SLC71A2: variants seen among roughly 807,000 people sequenced by gnomAD.
The protein encoded by SLC71A2 is solute carrier family 71 member 2, also known as hippocampus abundant transcript-like 1.
the SLC71A2 span, among the ~76,000 whole-genome samples, chr9:94,376,466 G>C: frequency 1.3e-5 from 2 of 151,958 alleles, no homozygotes; most frequent in African/African-American, 4.8e-5. Context: ...GTTCTAGCAT[G>C]TAAAGATGAT....
At chr9:94,456,786 G>T in the SLC71A2 span, among the ~76,000 whole-genome samples, 1 of 152,154 alleles carries the variant, frequency 6.6e-6, no homozygotes, top group African/African-American at 2.4e-5. Context: ...GTAAGAAAAA[G>T]TCTGTGTGGT....
the SLC71A2 span, chr9:94,438,338 T>C: frequency 6.2e-7 from 1 of 1,610,540 alleles, no homozygotes; most frequent in South Asian, 1.1e-5. Context: ...TTAGAAAATA[T>C]GAATTACAGG....
the SLC71A2 span, among the ~76,000 whole-genome samples, chr9:94,401,551 CT>C: frequency 6.6e-6 from 1 of 151,910 alleles, no homozygotes; most frequent in Non-Finnish European, 1.5e-5. Flanking sequence ...ACCCCTCCCC[CT>C]TTTTCTTGTT....
At chr9:94,438,724 C>G in the SLC71A2 span, among the ~76,000 whole-genome samples, 10 of 152,076 alleles carry the variant, frequency 6.6e-5, no homozygotes, top group Non-Finnish European at 1.3e-4. Flanking sequence ...TGAAGACATT[C>G]TAGAATTAAG....
chr9:94,400,576 A>AG, the SLC71A2 span, among the ~76,000 whole-genome samples: 11 of 150,560 alleles, frequency 7.3e-5, 1 homozygote, highest in Non-Finnish European at 1.5e-5. Flanking sequence ...ATGAAAAAAA[A>AG]AAAAAGACTC....
chr9:94,408,083 G>C, the SLC71A2 span, among the ~76,000 whole-genome samples: 5 of 152,024 alleles, frequency 3.3e-5, no homozygotes, highest in Non-Finnish European at 7.4e-5. Flanking sequence ...CTCAATCATA[G>C]GTGTGTGTAG....
chr9:94,415,756 C>T, the SLC71A2 span, among the ~76,000 whole-genome samples: 8 of 152,010 alleles, frequency 5.3e-5, no homozygotes, highest in Non-Finnish European at 8.8e-5. Flanking sequence ...AATCTAATGC[C>T]GCTGCTGATC....
chr9:94,392,993 C>G, the SLC71A2 span, among the ~76,000 whole-genome samples: 3 of 152,186 alleles, frequency 2.0e-5, no homozygotes, highest in South Asian at 6.2e-4. Flanking sequence ...AGGTGGTTAT[C>G]TTGTCTGTCC....
chr9:94,406,301 G>A, the SLC71A2 span, among the ~76,000 whole-genome samples: 3 of 151,976 alleles, frequency 2.0e-5, no homozygotes, highest in Admixed American at 6.6e-5. Flanking sequence ...GTGCAGTGGC[G>A]CAATCTCGGC....
the SLC71A2 span, among the ~76,000 whole-genome samples, chr9:94,408,132 T>C: frequency 2.6e-5 from 4 of 152,160 alleles, no homozygotes; most frequent in Non-Finnish European, 5.9e-5. Flanking sequence ...AATTTGATGG[T>C]TGAACTTAAG....
At chr9:94,375,108 G>T in the SLC71A2 span, among the ~76,000 whole-genome samples, 15,722 of 151,996 alleles carry the variant, frequency 0.1, 1,417 homozygotes, top group East Asian at 0.34. Context: ...GCTCATCGCA[G>T]ACAAAACTTT....
chr9:94,415,244 A>G, the SLC71A2 span: 1 of 1,611,258 alleles, frequency 6.2e-7, no homozygotes, highest in African/African-American at 1.3e-5. Context: ...TGACAACTCC[A>G]ATGTTGACTG....
chr9:94,450,866 C>G, the SLC71A2 span, among the ~76,000 whole-genome samples: 1 of 152,156 alleles, frequency 6.6e-6, no homozygotes, highest in African/African-American at 2.4e-5. Context: ...CTGTTACGGT[C>G]AGAGGCTTAG....
the SLC71A2 span, among the ~76,000 whole-genome samples, chr9:94,392,554 G>C: frequency 6.6e-6 from 1 of 151,922 alleles, no homozygotes; most frequent in African/African-American, 2.4e-5. Flanking sequence ...AGGCTGGAGT[G>C]CAGTGGTGTG....
chr9:94,385,100 G>A, the SLC71A2 span, among the ~76,000 whole-genome samples: 1 of 151,916 alleles, frequency 6.6e-6, no homozygotes, highest in Non-Finnish European at 1.5e-5. Context: ...CTCAGTCTGT[G>A]GTATTCTATT....
chr9:94,428,722 A>G, the SLC71A2 span, among the ~76,000 whole-genome samples: 2 of 150,486 alleles, frequency 1.3e-5, no homozygotes, highest in South Asian at 2.1e-4. Context: ...TTGGTATTCT[A>G]TATGCTGAGT....
the SLC71A2 span, among the ~76,000 whole-genome samples, chr9:94,422,934 C>T: frequency 4.4e-5 from 5 of 113,884 alleles, no homozygotes; most frequent in Non-Finnish European, 1.8e-5. Context: ...TGTCTTTCTT[C>T]CTTTTTTTTT....
At chr9:94,405,596 T>G in the SLC71A2 span, among the ~76,000 whole-genome samples, 947 of 152,104 alleles carry the variant, frequency 6.2e-3, 8 homozygotes, top group African/African-American at 0.021. Context: ...GCTTCCTCAG[T>G]AGGTAGAAAT....
chr9:94,452,880 A>G, the SLC71A2 span, among the ~76,000 whole-genome samples: 1 of 151,860 alleles, frequency 6.6e-6, no homozygotes, highest in African/African-American at 2.4e-5. Context: ...GTGCCAAGGC[A>G]CACTCACTAT....
Sources: gnomAD v4.1 joint callset for allele counts (sites outside exome capture counted in the v4.1 genomes callset) on GRCh38, gnomAD v4.1.1 for gene constraint, MANE v1.5 for transcripts, NCBI Gene and HGNC (gene_info 2026-07-23, HGNC 2026-07-21) for gene names.